PHACTR1: variants seen among roughly 807,000 people sequenced by gnomAD.
PHACTR1 encodes RPEL repeat containing 1.
Under a neutral mutation model 69.2 loss-of-function variants are expected in PHACTR1, and 16 were observed. The ratio of observed to expected loss-of-function variants is 0.23; its 90% CI spans 0.16 to 0.35. PHACTR1 has a LOEUF of 0.35. PHACTR1 is among the 10% of genes least tolerant of loss of function. The probability of loss-of-function intolerance (pLI) is 1.00; values close to 1 mark genes in which losing one functional copy is unlikely to be tolerated. For synonymous variants in PHACTR1, 312 were observed against 284.5 expected (o/e 1.10, Z -0.97); for missense variants, 510 against 734.7 (o/e 0.69, Z 3.54).
At chr6:13,181,658 C>T (rs1432726584) in intron 6 of PHACTR1, among the ~76,000 whole-genome samples, 1 of 152,072 alleles carries the variant, frequency 6.6e-6, no homozygotes, top group African/African-American at 2.4e-5. Flanking sequence ...TGGTCGGCAC[C>T]GGGAGAATTC....
At chr6:13,134,249 G>A (rs1177515647) in intron 5 of PHACTR1, among the ~76,000 whole-genome samples, 2 of 133,220 alleles carry the variant, frequency 1.5e-5, no homozygotes. Context: ...CCGGGAGGGA[G>A]GTGGGGGGCG....
chr6:12,980,469 G>A (rs1031308648), intron 4 of PHACTR1, among the ~76,000 whole-genome samples: 4 of 152,078 alleles, frequency 2.6e-5, no homozygotes, highest in Non-Finnish European at 4.4e-5. Flanking sequence ...CTCCCAGAGA[G>A]CAAAGTATGT....
chr6:13,106,534 A>G (rs900270020), intron 5 of PHACTR1, among the ~76,000 whole-genome samples: 2 of 152,136 alleles, frequency 1.3e-5, no homozygotes, highest in East Asian at 1.9e-4. Context: ...GCTGGAGTGC[A>G]ATGGTGCAAT....
intron 3 of PHACTR1, among the ~76,000 whole-genome samples, chr6:12,736,673 G>T (rs1764292529): frequency 6.6e-6 from 1 of 151,936 alleles, no homozygotes; most frequent in African/African-American, 2.4e-5. Context: ...AAATAGAAAA[G>T]AATAAACATG....
intron 5 of PHACTR1, among the ~76,000 whole-genome samples, chr6:13,112,960 G>A (rs974942265): frequency 3.9e-5 from 6 of 152,012 alleles, no homozygotes; most frequent in African/African-American, 1.4e-4. Flanking sequence ...TTCTTATATT[G>A]AGAATGGTAT....
chr6:12,913,026 T>C (rs1786582330), intron 4 of PHACTR1, among the ~76,000 whole-genome samples: 1 of 152,224 alleles, frequency 6.6e-6, no homozygotes, highest in South Asian at 2.1e-4. Context: ...TTGTCATGCC[T>C]GAAAAAGCTT....
chr6:13,121,756 T>G (rs1818770836), intron 5 of PHACTR1, among the ~76,000 whole-genome samples: 1 of 152,150 alleles, frequency 6.6e-6, no homozygotes, highest in South Asian at 2.1e-4. Flanking sequence ...CGATGTCTCT[T>G]TCAATCTAGA....
intron 4 of PHACTR1, among the ~76,000 whole-genome samples, chr6:12,821,808 A>G (rs1581917995): frequency 6.6e-6 from 1 of 152,344 alleles, no homozygotes; most frequent in Non-Finnish European, 1.5e-5. Flanking sequence ...GGATTTAGAA[A>G]GAAGAAGGGA....
rs199518185 is a variant in PHACTR1, at chr6:13,226,146, C to CT, written c.987-1662dup. ...TGATTTAATCCTATTCAGTAGTTGG[C>CT]TTTTTTTTAAGTTGATTTAGTTCAT... On this transcript the variant is annotated intron_variant, in intron 8 of 14. Transcript: ENST00000332995. 2.4e-3 allele frequency among the ~76,000 whole-genome samples: 372 copies of CT among 152,022 alleles called. 6 individuals carry two copies. Among genetic ancestry groups the CT allele is most frequent in the Admixed American group, 0.021 (325 of 15,270 alleles).
chr6:13,166,993 T>C (rs1759903451), intron 6 of PHACTR1, among the ~76,000 whole-genome samples: 1 of 152,204 alleles, frequency 6.6e-6, no homozygotes, highest in African/African-American at 2.4e-5. Context: ...ATAATATTTC[T>C]CACACTTGGC....
intron 5 of PHACTR1, among the ~76,000 whole-genome samples, chr6:13,068,587 A>C (rs1583216004): frequency 1.3e-5 from 2 of 152,112 alleles, no homozygotes; most frequent in East Asian, 3.9e-4. Context: ...TTCAGTGCTG[A>C]GTTTAGGAGC....
chr6:12,830,055 G>GGAAT (rs1777282424), intron 4 of PHACTR1, among the ~76,000 whole-genome samples: 1 of 134,578 alleles, frequency 7.4e-6, no homozygotes, highest in Non-Finnish European at 1.6e-5. Context: ...AAAGAAGGAA[G>GGAAT]GAAGGAAGGA....
chr6:12,784,576 A>C (rs1348200312), intron 4 of PHACTR1, among the ~76,000 whole-genome samples: 1 of 151,400 alleles, frequency 6.6e-6, no homozygotes, highest in Non-Finnish European at 1.5e-5. Context: ...TATACATGAT[A>C]TATACATACA....
intron 5 of PHACTR1, among the ~76,000 whole-genome samples, chr6:13,078,972 G>C (rs1369873757): frequency 6.6e-6 from 1 of 152,146 alleles, no homozygotes; most frequent in Non-Finnish European, 1.5e-5. Flanking sequence ...CAATAAAATA[G>C]TTTACAGTCT....
chr6:13,275,896 T>A lies in PHACTR1; in HGVS notation c.1448-2372T>A, dbSNP rs963370173. On this transcript the variant is annotated intron_variant, in intron 11 of 14. Transcript: ENST00000332995. This position sits in a 1 kb window ranked among gnomAD's most constrained non-coding sequence, Gnocchi z 4.0. Reference sequence around the variant, plus strand: ...CTCCTTCTGGTTCTTGCTGTCTGCCTCCCCATTTAACTCTGCTAGATTAAT... The same window carrying A: ...CTCCTTCTGGTTCTTGCTGTCTGCCACCCCATTTAACTCTGCTAGATTAAT... 2 of 152,136 alleles carry A rather than the reference T, an allele frequency of 1.3e-5. No individual in the cohort carries two copies. Among genetic ancestry groups the A allele is most frequent in the Non-Finnish European group, 2.9e-5 (2 of 68,042 alleles). 9.4% of individuals were successfully genotyped at this position (152,136 alleles called of 1,614,324 possible).
At chr6:12,882,310 G>A (rs763604498) in intron 4 of PHACTR1, among the ~76,000 whole-genome samples, 11 of 152,240 alleles carry the variant, frequency 7.2e-5, no homozygotes, top group African/African-American at 2.2e-4. Flanking sequence ...AAATAGGGAC[G>A]ATGATAATAA....
intron 4 of PHACTR1, among the ~76,000 whole-genome samples, chr6:12,948,013 C>T (rs928504460): frequency 6.6e-6 from 1 of 152,194 alleles, no homozygotes; most frequent in Non-Finnish European, 1.5e-5. Flanking sequence ...TCTTTTTCAA[C>T]CCTAATGTTC....
chr6:12,979,639 A>G (rs1159873596), intron 4 of PHACTR1, among the ~76,000 whole-genome samples: 1 of 151,224 alleles, frequency 6.6e-6, no homozygotes, highest in African/African-American at 2.4e-5. Flanking sequence ...CACAGGCATT[A>G]TTGTTTAGAG....
chr6:12,871,698 T>A (rs1284734072), intron 4 of PHACTR1, among the ~76,000 whole-genome samples: 2 of 152,234 alleles, frequency 1.3e-5, no homozygotes, highest in Admixed American at 1.3e-4. Flanking sequence ...ATTAATGGGC[T>A]TAGTTAGGTA....
Sources: allele counts gnomAD v4.1 joint callset (sites outside exome capture counted in the v4.1 genomes callset), GRCh38; gene constraint gnomAD v4.1.1; non-coding constraint Gnocchi (gnomAD v3.1); transcripts MANE v1.5; gene names NCBI Gene and HGNC (gene_info 2026-07-23, HGNC 2026-07-21).